TPRG1: variants seen among roughly 807,000 people sequenced by gnomAD.
TPRG1 encodes the protein tumor protein p63-regulated gene 1 protein.
A neutral mutation model predicts 29.3 loss-of-function variants in TPRG1; 29 were observed. That is an observed-to-expected ratio of 0.99 (90% CI 0.74 to 1.35). TPRG1 has a LOEUF of 1.35. Among genes scored for constraint, TPRG1 ranks in the 40% most tolerant of loss-of-function variants. TPRG1 has a pLI of 0.00. For missense variants in TPRG1, 327 were observed against 335.0 expected (o/e 0.98, Z 0.19); for synonymous variants, 130 against 116.8 (o/e 1.11, Z -0.73).
At chr3:189,113,709 A>C (rs975419273) in intron 1 of TPRG1, among the ~76,000 whole-genome samples, 2 of 151,154 alleles carry the variant, frequency 1.3e-5, no homozygotes, top group African/African-American at 4.9e-5. Flanking sequence ...ATAGGTGGGA[A>C]TTGAACAATG....
chr3:189,051,217 G>GA (rs1197774656), intron 4 of TPRG1, among the ~76,000 whole-genome samples: 1 of 152,112 alleles, frequency 6.6e-6, no homozygotes, highest in Non-Finnish European at 1.5e-5. Context: ...TCCCAGAACT[G>GA]ATAAAATAAT....
intron 1 of TPRG1, among the ~76,000 whole-genome samples, chr3:189,183,317 A>T (rs1730487002): frequency 6.6e-6 from 1 of 152,138 alleles, no homozygotes; most frequent in Non-Finnish European, 1.5e-5. Flanking sequence ...ATACTTCACA[A>T]GGTAGTAGAA....
chr3:189,128,159 A>G (rs1722700718), intron 2 of TPRG1, among the ~76,000 whole-genome samples: 1 of 152,230 alleles, frequency 6.6e-6, no homozygotes, highest in Non-Finnish European at 1.5e-5. Flanking sequence ...TCAGAAAGGG[A>G]AAATTCCTGT....
intron 4 of TPRG1, among the ~76,000 whole-genome samples, chr3:189,038,794 CAA>C (rs59131158): frequency 0.019 from 2,418 of 129,724 alleles, 46 homozygotes; most frequent in African/African-American, 0.05. Flanking sequence ...GAGTAATTGG[CAA>C]AAAAAAAAAA....
chr3:189,207,537 T>C lies in TPRG1; in HGVS notation c.153T>C (p.Thr51=), dbSNP rs1734585380. The stretch of plus-strand genomic sequence containing the variant: ...GGCAGTCAAGTGTGACCGAATCAAC[T>C]CTTTACCCCAATCCTTATCATCAGC... ...ISRQSSVTES[T]LYPNPYHQPY... is the part of the protein sequence containing the mutation. Residue 51 remains threonine (T), a synonymous_variant, in exon 2 of 6, where the codon ACT becomes ACC. Transcript: ENST00000345063. 1 of 1,613,964 alleles carries C rather than the reference T, an allele frequency of 6.2e-7. No homozygotes were observed. The highest frequency in any genetic ancestry group is 8.5e-7 in the Non-Finnish European group (1 of 1,179,978).
chr3:189,233,475 C>G (rs115236714), intron 3 of TPRG1, among the ~76,000 whole-genome samples: 6 of 152,050 alleles, frequency 3.9e-5, no homozygotes, highest in Non-Finnish European at 7.4e-5. Flanking sequence ...TGAAGACTCA[C>G]GAGTTCTCAG....
At chr3:189,171,354 T>C (rs1347888854), upstream of TPRG1, among the ~76,000 whole-genome samples, 1 of 152,250 alleles carries the variant, frequency 6.6e-6, no homozygotes, top group Non-Finnish European at 1.5e-5. Flanking sequence ...TAAATAGATA[T>C]TAATGGATCA....
At chr3:189,104,060 G>A (rs1719518112) in intron 1 of TPRG1, among the ~76,000 whole-genome samples, 1 of 152,152 alleles carries the variant, frequency 6.6e-6, no homozygotes, top group Admixed American at 6.5e-5. Flanking sequence ...GATAGAGGAT[G>A]AGCCAAGAAC....
intron 4 of TPRG1, among the ~76,000 whole-genome samples, chr3:189,245,139 C>T (rs916538985): frequency 2.0e-5 from 3 of 152,154 alleles, no homozygotes; most frequent in African/African-American, 7.2e-5. Context: ...TCAGGCTGGT[C>T]TTGAACTCTC....
At chr3:189,189,957 C>T (rs912173671) in intron 1 of TPRG1, among the ~76,000 whole-genome samples, 1 of 152,084 alleles carries the variant, frequency 6.6e-6, no homozygotes, top group African/African-American at 2.4e-5. Flanking sequence ...AGAAATAGAT[C>T]TGATTATTAT....
chr3:189,092,410 A>G (rs567802428), intron 4 of TPRG1, among the ~76,000 whole-genome samples: 15 of 148,842 alleles, frequency 1.0e-4, no homozygotes, highest in African/African-American at 3.7e-4. Context: ...CCTTTAAACC[A>G]TTCTGAAGAA....
At chr3:189,286,410 CT>C (rs1197285523) in intron 4 of TPRG1, among the ~76,000 whole-genome samples, 1 of 152,108 alleles carries the variant, frequency 6.6e-6, no homozygotes, top group Non-Finnish European at 1.5e-5. Context: ...GTTTTGTTCA[CT>C]GATGCATCCT....
chr3:189,021,253 T>C (rs1252656856), intron 3 of TPRG1, among the ~76,000 whole-genome samples: 1 of 151,326 alleles, frequency 6.6e-6, no homozygotes, highest in Non-Finnish European at 1.5e-5. Flanking sequence ...TATTGTTATG[T>C]GTGAATTTGA....
intron 1 of TPRG1, chr3:189,123,534 T>G (rs971650760): frequency 7.2e-5 from 11 of 152,190 alleles, no homozygotes; most frequent in African/African-American, 2.4e-4. Flanking sequence ...TTAAAATGCC[T>G]TAACAAAATG....
chr3:189,250,503 C>CT, intron 4 of TPRG1, among the ~76,000 whole-genome samples: 1 of 57,776 alleles, frequency 1.7e-5, no homozygotes, highest in Non-Finnish European at 3.6e-5. Context: ...TTCTGATTTC[C>CT]GCCCCCCCCC....
intron 1 of TPRG1, among the ~76,000 whole-genome samples, chr3:189,101,356 C>T (rs1277857523): frequency 6.6e-6 from 1 of 151,982 alleles, no homozygotes; most frequent in African/African-American, 2.4e-5. Context: ...TCTTATATCC[C>T]ACATTACTGT....
At chr3:189,176,305 A>G (rs1425361401) in intron 1 of TPRG1, among the ~76,000 whole-genome samples, 4 of 152,218 alleles carry the variant, frequency 2.6e-5, no homozygotes, top group African/African-American at 9.6e-5. Context: ...AGATTCATTC[A>G]TTTTAAACTA....
At chr3:189,023,411 G>A (rs1025276881) in intron 3 of TPRG1, among the ~76,000 whole-genome samples, 2 of 152,172 alleles carry the variant, frequency 1.3e-5, no homozygotes, top group African/African-American at 4.8e-5. Flanking sequence ...GTTTTATCAT[G>A]ATTCTTAGCT....
intron 4 of TPRG1, among the ~76,000 whole-genome samples, chr3:189,044,090 T>C (rs1714803574): frequency 6.6e-6 from 1 of 152,084 alleles, no homozygotes. Flanking sequence ...TAAATGAATA[T>C]ATAAAAATTA....
Sources: gnomAD v4.1 joint callset for allele counts (sites outside exome capture counted in the v4.1 genomes callset) on GRCh38, gnomAD v4.1.1 for gene constraint, MANE v1.5 for transcripts, NCBI Gene and HGNC (gene_info 2026-07-23, HGNC 2026-07-21) for gene names.